The following PCED1B variants were observed in gnomAD, a reference collection of about 807,000 sequenced individuals.
The protein encoded by PCED1B is PC-esterase domain-containing protein 1B.
For missense variants in PCED1B, 573 were observed against 573.9 expected (o/e 1.00, Z 0.02); for synonymous variants, 251 against 246.1 (o/e 1.02, Z -0.19).
At chr12:47,108,450 G>A (rs1187144929) in intron 2 of PCED1B, among the ~76,000 whole-genome samples, 2 of 152,302 alleles carry the variant, frequency 1.3e-5, no homozygotes, top group African/African-American at 4.8e-5. Context: ...CTGTCTGGAA[G>A]CAAAACAGTT....
chr12:47,109,161 T>C (rs899578244), intron 2 of PCED1B, among the ~76,000 whole-genome samples: 1 of 152,208 alleles, frequency 6.6e-6, no homozygotes, highest in African/African-American at 2.4e-5. Context: ...GGCAGAATAC[T>C]GTAGAAGAAA....
intron 2 of PCED1B, among the ~76,000 whole-genome samples, chr12:47,124,679 C>T (rs1206099819): frequency 6.6e-6 from 1 of 151,870 alleles, no homozygotes; most frequent in East Asian, 1.9e-4. Context: ...AACATGCTAA[C>T]CAGCACTTGT....
At chr12:47,094,678 C>G (rs1211362503) in intron 1 of PCED1B, among the ~76,000 whole-genome samples, 1 of 152,056 alleles carries the variant, frequency 6.6e-6, no homozygotes, top group Admixed American at 6.6e-5. Context: ...TACTGTTAGA[C>G]CCTTTGACCT....
At chr12:47,085,700 A>C (rs1396967255) in intron 1 of PCED1B, among the ~76,000 whole-genome samples, 1 of 152,226 alleles carries the variant, frequency 6.6e-6, no homozygotes. Flanking sequence ...CAAATGAAAA[A>C]TTATGTACCT....
Position 47,235,989 on chromosome 12 carries a change from G to T in PCED1B, c.926G>T (p.Arg309Leu). 3 of 1,607,014 alleles carry T rather than the reference G, an allele frequency of 1.9e-6. No individual in the cohort carries two copies. The highest frequency in any genetic ancestry group is 2.5e-6 in the Non-Finnish European group (3 of 1,177,240). ...YRPLLGFPPQRLPLLPLLSPQ... is the reference protein window; with the variant it reads ...YRPLLGFPPQLLPLLPLLSPQ... The stretch of plus-strand genomic sequence containing the variant: ...CCCCTGCTTGGGTTCCCACCCCAGC[G>T]CTTGCCGCTGCTCCCGCTCCTGTCC... Residue 309 changes from arginine (R) to leucine (L), a missense_variant, in exon 4 of 4, where the codon CGC becomes CTC. Transcript: ENST00000546455.
Position 47,236,206 on chromosome 12 carries a change from G to A in PCED1B, c.1143G>A (p.Met381Ile). 1 of 1,614,068 alleles carries A rather than the reference G, an allele frequency of 6.2e-7. No homozygotes were observed. The highest frequency in any genetic ancestry group is 8.5e-7 in the Non-Finnish European group (1 of 1,180,024). The change falls in exon 4 of 4, where the codon ATG (methionine) becomes ATA (isoleucine). Residue 381 changes from methionine (M) to isoleucine (I), a missense_variant. Met to Ile is a conservative substitution (Grantham distance 10). Coordinates refer to ENST00000546455, the MANE Select transcript of PCED1B (RefSeq NM_138371.3). The stretch of plus-strand genomic sequence containing the variant: ...TTATGGTTGGTCCTCAGCTGCCTAT[G>A]CCCTTCTTCCCCACACCCCGTTATC... ...DNFMVGPQLPMPFFPTPRYQR... is the reference protein window; with the variant it reads ...DNFMVGPQLPIPFFPTPRYQR...
At chr12:47,124,310 ATTACT>A (rs1218953638) in intron 2 of PCED1B, among the ~76,000 whole-genome samples, 1 of 152,014 alleles carries the variant, frequency 6.6e-6, no homozygotes, top group Non-Finnish European at 1.5e-5. Context: ...ACTCAGCATA[ATTACT>A]TTAAGATTCA....
At chr12:47,132,813 A>G (rs1284545968) in intron 2 of PCED1B, among the ~76,000 whole-genome samples, 1 of 152,204 alleles carries the variant, frequency 6.6e-6, no homozygotes, top group African/African-American at 2.4e-5. Flanking sequence ...ATTGCTGTGA[A>G]AGGAGAACCA....
chr12:47,187,136 C>T (rs964473457), intron 2 of PCED1B, among the ~76,000 whole-genome samples: 1 of 152,180 alleles, frequency 6.6e-6, no homozygotes, highest in Non-Finnish European at 1.5e-5. Context: ...CCCTACTTAA[C>T]AGTGTTTGAG....
intron 2 of PCED1B, among the ~76,000 whole-genome samples, chr12:47,110,829 C>T (rs569260480): frequency 1.6e-4 from 25 of 152,280 alleles, no homozygotes; most frequent in African/African-American, 6.0e-4. Flanking sequence ...GAGTCAATGA[C>T]AAACACACAC....
At chr12:47,146,278 G>A (rs1940780740) in intron 2 of PCED1B, among the ~76,000 whole-genome samples, 1 of 152,200 alleles carries the variant, frequency 6.6e-6, no homozygotes, top group Non-Finnish European at 1.5e-5. Context: ...AAAGAAAGTG[G>A]TTTCTTGAGA....
intron 1 of PCED1B, among the ~76,000 whole-genome samples, chr12:47,080,483 C>G (rs1400666372): frequency 1.3e-5 from 2 of 152,052 alleles, no homozygotes; most frequent in East Asian, 3.9e-4. Context: ...CGTCTCCGCT[C>G]GTTTCTAGGG....
intron 3 of PCED1B, among the ~76,000 whole-genome samples, chr12:47,227,252 A>G (rs1350420429): frequency 6.6e-6 from 1 of 151,910 alleles, no homozygotes; most frequent in East Asian, 1.9e-4. Flanking sequence ...GCTCACTGCA[A>G]TCTCCACCTC....
intron 1 of PCED1B, among the ~76,000 whole-genome samples, chr12:47,092,997 A>G (rs1228241456): frequency 6.6e-6 from 1 of 151,992 alleles, no homozygotes; most frequent in Non-Finnish European, 1.5e-5. Flanking sequence ...TTATGCTATT[A>G]CAATTTTTTT....
chr12:47,155,441 G>T (rs1283256704), intron 2 of PCED1B, among the ~76,000 whole-genome samples: 1 of 152,202 alleles, frequency 6.6e-6, no homozygotes, highest in East Asian at 1.9e-4. Flanking sequence ...TAAATCAAGG[G>T]TTCCAAACTT....
chr12:47,114,969 T>C (rs1051035115), intron 2 of PCED1B, among the ~76,000 whole-genome samples: 4 of 152,224 alleles, frequency 2.6e-5, no homozygotes, highest in Non-Finnish European at 5.9e-5. Context: ...TTGTTTGAAT[T>C]ACTCCAAAGT....
intron 2 of PCED1B, among the ~76,000 whole-genome samples, chr12:47,154,861 T>C (rs1565571729): frequency 6.6e-6 from 1 of 152,060 alleles, no homozygotes; most frequent in Non-Finnish European, 1.5e-5. Context: ...AGCCTGTTTC[T>C]GCAAGCCTGT....
chr12:47,150,533 G>A lies in PCED1B; in HGVS notation c.-526+46338G>A, dbSNP rs150314427. Among the ~76,000 whole-genome samples, 110 of 151,664 alleles carry A rather than the reference G, an allele frequency of 7.3e-4. 1 individual carries two copies. In the East Asian group the frequency reaches 0.018, roughly 25 times the overall value. ...GCAGAGGTTGCAGCAAGCCAAGATC[G>A]TGCCACTGCACTGCAGTCTGGGCAA... On this transcript the variant is annotated intron_variant, in intron 2 of 3. Transcript: ENST00000546455.
At chr12:47,110,752 T>C (rs1939158312) in intron 2 of PCED1B, among the ~76,000 whole-genome samples, 1 of 152,198 alleles carries the variant, frequency 6.6e-6, no homozygotes, top group Non-Finnish European at 1.5e-5. Flanking sequence ...CATGCAAACA[T>C]GAGCTTCATT....
Sources: gnomAD v4.1 joint callset for allele counts (sites outside exome capture counted in the v4.1 genomes callset) on GRCh38, gnomAD v4.1.1 for gene constraint, MANE v1.5 for transcripts, NCBI Gene and HGNC (gene_info 2026-07-23, HGNC 2026-07-21) for gene names.